The following CLSTN2 variants were observed in gnomAD, a reference collection of about 807,000 sequenced individuals.
The protein encoded by CLSTN2 is calsyntenin 2.
In CLSTN2, 48 loss-of-function variants were observed where a neutral mutation model predicts 101.2. That is an observed-to-expected ratio of 0.47 (90% CI 0.38 to 0.60). The LOEUF is 0.60. CLSTN2 is among the 20% of genes least tolerant of loss of function. The pLI is 0.00. For synonymous variants in CLSTN2, 481 were observed against 463.6 expected, an observed-to-expected ratio of 1.04 and a Z score of -0.48; for missense variants, 1,160 against 1,238.2, an observed-to-expected ratio of 0.94 and a Z score of 0.95.
At chr3:140,143,717 G>A (rs2009738417) in intron 1 of CLSTN2, among the ~76,000 whole-genome samples, 1 of 152,208 alleles carries the variant, frequency 6.6e-6, no homozygotes, top group South Asian at 2.1e-4. Context: ...CTAATCAGTT[G>A]TGTAGGAACT....
At chr3:140,189,850 A>C (rs2010534870) in intron 2 of CLSTN2, among the ~76,000 whole-genome samples, 1 of 152,194 alleles carries the variant, frequency 6.6e-6, no homozygotes, top group Non-Finnish European at 1.5e-5. Context: ...AAAAATCAGC[A>C]GGGCATCGTC....
intron 3 of CLSTN2, 60 bp from the exon 4 acceptor site, chr3:140,404,498 C>T: frequency 6.7e-7 from 1 of 1,499,948 alleles, no homozygotes. Context: ...CCAGGAGGTA[C>T]AGGAGGTTGG....
chr3:140,480,445 C>T (rs896019315), intron 8 of CLSTN2, among the ~76,000 whole-genome samples: 4 of 152,140 alleles, frequency 2.6e-5, no homozygotes, highest in Non-Finnish European at 5.9e-5. Context: ...ATTTATAATC[C>T]TTTGGGTATA....
chr3:140,018,714 C>A (rs191820681), intron 1 of CLSTN2, among the ~76,000 whole-genome samples: 5 of 152,248 alleles, frequency 3.3e-5, no homozygotes, highest in South Asian at 2.1e-4. Context: ...CAGAGTAAGA[C>A]AGTTTGTGTG....
chr3:140,277,688 T>C (rs941520271), intron 2 of CLSTN2, among the ~76,000 whole-genome samples: 8 of 152,280 alleles, frequency 5.3e-5, no homozygotes, highest in African/African-American at 1.7e-4. Context: ...AAAAAAAATA[T>C]ACTTTGCCAC....
chr3:140,021,414 G>T (rs2007313520), intron 1 of CLSTN2, among the ~76,000 whole-genome samples: 1 of 152,168 alleles, frequency 6.6e-6, no homozygotes, highest in Non-Finnish European at 1.5e-5. Flanking sequence ...CAATGGCGTG[G>T]CGTACCGGCA....
chr3:140,417,264 C>A (rs960737258), intron 4 of CLSTN2, among the ~76,000 whole-genome samples: 1 of 152,138 alleles, frequency 6.6e-6, no homozygotes, highest in African/African-American at 2.4e-5. Flanking sequence ...AACAATCCAT[C>A]TTATGCATAG....
At chr3:140,008,589 T>C (rs1490509443) in intron 1 of CLSTN2, among the ~76,000 whole-genome samples, 1 of 152,250 alleles carries the variant, frequency 6.6e-6, no homozygotes, top group Non-Finnish European at 1.5e-5. Flanking sequence ...TGGCCAGCTC[T>C]CCACAGCACC....
chr3:139,999,540 G>A (rs2006773233), intron 1 of CLSTN2, among the ~76,000 whole-genome samples: 1 of 152,060 alleles, frequency 6.6e-6, no homozygotes, highest in Admixed American at 6.5e-5. Flanking sequence ...GGACCCTGTG[G>A]GTTATCTGCT....
intron 8 of CLSTN2, among the ~76,000 whole-genome samples, chr3:140,526,108 A>G (rs1396341393): frequency 2.0e-5 from 3 of 152,192 alleles, no homozygotes; most frequent in African/African-American, 7.2e-5. Flanking sequence ...AATAAAATGC[A>G]TCCAAATAGA....
chr3:140,117,051 T>G (rs1218554172), intron 1 of CLSTN2, among the ~76,000 whole-genome samples: 2 of 152,172 alleles, frequency 1.3e-5, no homozygotes, highest in African/African-American at 4.8e-5. Context: ...GGGGACAGTT[T>G]GCTAGGATGG....
chr3:140,104,113 T>G (rs993868470), intron 1 of CLSTN2, among the ~76,000 whole-genome samples: 1 of 152,192 alleles, frequency 6.6e-6, no homozygotes, highest in African/African-American at 2.4e-5. Flanking sequence ...TATTGCCAAC[T>G]TGTACAATTC....
chr3:140,201,619 ATTAT>A (rs2010718408), intron 2 of CLSTN2, among the ~76,000 whole-genome samples: 1 of 152,136 alleles, frequency 6.6e-6, no homozygotes, highest in African/African-American at 2.4e-5. Flanking sequence ...CAAAATACTA[ATTAT>A]TTATTTTAAA....
chr3:139,992,233 T>G (rs1936127195), intron 1 of CLSTN2, among the ~76,000 whole-genome samples: 1 of 152,150 alleles, frequency 6.6e-6, no homozygotes, highest in Non-Finnish European at 1.5e-5. Context: ...GAAGTATGAA[T>G]GAGGATGGGG....
At chr3:140,494,634 G>T (rs1198993467) in intron 8 of CLSTN2, among the ~76,000 whole-genome samples, 1 of 152,038 alleles carries the variant, frequency 6.6e-6, no homozygotes, top group Non-Finnish European at 1.5e-5. Flanking sequence ...CCCCCAACAG[G>T]TCCCAGTGTG....
At chr3:140,509,332 G>A (rs969041212) in intron 8 of CLSTN2, among the ~76,000 whole-genome samples, 1 of 152,094 alleles carries the variant, frequency 6.6e-6, no homozygotes, top group South Asian at 2.1e-4. Flanking sequence ...CCACCTGGAG[G>A]GCTTATTGAA....
At chr3:140,135,926 G>C (rs1429622326) in intron 1 of CLSTN2, among the ~76,000 whole-genome samples, 7 of 152,144 alleles carry the variant, frequency 4.6e-5, no homozygotes, top group African/African-American at 1.7e-4. Context: ...ATATGCTTAG[G>C]AGATTTAGAT....
chr3:140,264,428 A>ATATATATATATATATAT (rs2086678770), intron 2 of CLSTN2, among the ~76,000 whole-genome samples: 1 of 137,382 alleles, frequency 7.3e-6, no homozygotes, highest in Non-Finnish European at 1.6e-5. Context: ...ATATATATAT[A>ATATATATATATATATAT]AAATTAGGCA....
intron 8 of CLSTN2, among the ~76,000 whole-genome samples, chr3:140,468,969 A>G (rs472412): frequency 0.4 from 60,291 of 151,656 alleles, 13,031 homozygotes; most frequent in African/African-American, 0.59. Flanking sequence ...TAAAGGTGGT[A>G]GGAAGTACAA....
Sources: allele counts gnomAD v4.1 joint callset (sites outside exome capture counted in the v4.1 genomes callset), GRCh38; gene constraint gnomAD v4.1.1; transcripts MANE v1.5; gene names NCBI Gene and HGNC (gene_info 2026-07-23, HGNC 2026-07-21).